The following ARMH4 variants were observed in gnomAD, a reference collection of about 807,000 sequenced individuals.
The protein encoded by ARMH4 is armadillo-like helical domain-containing protein 4.
In ARMH4, 49 loss-of-function variants were observed where a neutral mutation model predicts 61.9. The observed-to-expected ratio is 0.79, with a 90% CI of 0.63 to 1.00. ARMH4 has a LOEUF of 1.00. Among genes scored for constraint, ARMH4 ranks in the 50% least tolerant of loss-of-function variants. ARMH4 has a pLI of 0.00. For missense variants in ARMH4, 934 were observed against 930.0 expected, an observed-to-expected ratio of 1.00 and a Z score of -0.06; for synonymous variants, 368 against 341.5, an observed-to-expected ratio of 1.08 and a Z score of -0.85.
intron 1 of ARMH4, among the ~76,000 whole-genome samples, chr14:58,149,471 T>G (rs1188272507): frequency 6.6e-6 from 1 of 152,180 alleles, no homozygotes; most frequent in East Asian, 1.9e-4. Flanking sequence ...AGAGGGTAAG[T>G]AGGCTGGGGT....
Position 58,097,078 on chromosome 14 carries a change from T to C in ARMH4, c.1832-97A>G, listed in dbSNP as rs544840232. ...AATGATCCAAACACTACAAAATAAT[T>C]GTTTGGCCTTTTGAAACACATCTTT... is the stretch of plus-strand genomic sequence containing the variant. On this transcript the variant is annotated intron_variant, in intron 4 of 7. Coordinates refer to ENST00000267485, the MANE Select transcript of ARMH4 (RefSeq NM_001001872.4). 82 of 1,343,038 alleles carry C rather than the reference T, an allele frequency of 6.1e-5. 2 individuals carry two copies. The African/African-American group carries it at 8.1e-4, about 13-fold the overall frequency. 83.2% of individuals were successfully genotyped at this position (1,343,038 alleles called of 1,614,324 possible).
chr14:58,026,312 C>A (rs1396144741), intron 5 of ARMH4, among the ~76,000 whole-genome samples: 1 of 151,956 alleles, frequency 6.6e-6, no homozygotes, highest in Non-Finnish European at 1.5e-5. Context: ...AAGTATTTGC[C>A]TCCCCCTATG....
At chr14:58,022,626 C>T (rs1783803090) in intron 5 of ARMH4, among the ~76,000 whole-genome samples, 1 of 152,154 alleles carries the variant, frequency 6.6e-6, no homozygotes, top group South Asian at 2.1e-4. Flanking sequence ...CTCACTCCCT[C>T]TCCATACTTC....
intron 1 of ARMH4, among the ~76,000 whole-genome samples, chr14:58,151,193 T>A (rs1490934581): frequency 2.0e-5 from 3 of 152,212 alleles, no homozygotes; most frequent in African/African-American, 7.2e-5. Flanking sequence ...GGATGCCAAG[T>A]GCTAGGCGGA....
chr14:58,106,735 T>C (rs1886177375), intron 4 of ARMH4, among the ~76,000 whole-genome samples: 1 of 152,162 alleles, frequency 6.6e-6, no homozygotes, highest in African/African-American at 2.4e-5. Flanking sequence ...TTCTCCAAAC[T>C]TACATTGTTA....
intron 2 of ARMH4, among the ~76,000 whole-genome samples, chr14:58,135,012 A>T (rs1167001319): frequency 6.6e-6 from 1 of 151,546 alleles, no homozygotes; most frequent in Non-Finnish European, 1.5e-5. Flanking sequence ...CTATTACTTT[A>T]AAAAAAAGTT....
At chr14:58,040,458 T>G (rs1042446649) in intron 5 of ARMH4, among the ~76,000 whole-genome samples, 2 of 152,228 alleles carry the variant, frequency 1.3e-5, no homozygotes, top group African/African-American at 4.8e-5. Context: ...GATAATGGCC[T>G]GCAACTCCAT....
chr14:58,127,814 G>A (rs1425145579), intron 4 of ARMH4, among the ~76,000 whole-genome samples: 1 of 152,190 alleles, frequency 6.6e-6, no homozygotes, highest in Non-Finnish European at 1.5e-5. Context: ...CCCGCTAGCT[G>A]GAAGGCCCAG....
intron 5 of ARMH4, among the ~76,000 whole-genome samples, chr14:58,045,517 C>T (rs1233957032): frequency 3.3e-5 from 5 of 151,384 alleles, no homozygotes; most frequent in Non-Finnish European, 7.4e-5. Context: ...ATGTAAATGA[C>T]GAGTTAATGG....
Position 58,131,652 on chromosome 14 carries a change from G to C in ARMH4, c.1691C>G (p.Pro564Arg), listed in dbSNP as rs750285376. The change falls in exon 4 of 8, where the codon CCT becomes CGT. Residue 564 changes from proline to arginine, a missense_variant. Pro to Arg is a moderately radical substitution (Grantham distance 103). Transcript: ENST00000267485. ...GCTGGGTTCCCCCACCATTATTCCAGGAGGTGTCACTGGAGATCCCAGAAC... is the reference window on the plus strand; with the variant it reads ...GCTGGGTTCCCCCACCATTATTCCACGAGGTGTCACTGGAGATCCCAGAAC... ...TPVLGSPVTPPGIMVGEPSIS... is the reference protein window; with the variant it reads ...TPVLGSPVTPRGIMVGEPSIS... The C allele has an allele frequency of 1.2e-6, 2 of 1,614,142 alleles. No homozygotes were observed. Among genetic ancestry groups the C allele is most frequent in the South Asian group, 1.1e-5 (1 of 91,086 alleles).
chr14:58,012,141 C>T lies in ARMH4; in HGVS notation c.2099G>A (p.Trp700Ter), dbSNP rs1253749153. 1.4e-6 allele frequency: 2 copies of T among 1,452,316 alleles called. No individual in the cohort carries two copies. The highest frequency in any genetic ancestry group is 1.2e-5 in the South Asian group (1 of 80,498). The allele number at this position is 1,452,316 out of a possible 1,614,324, so 90.0% of individuals were successfully genotyped here. A position where few individuals can be genotyped will look rare whatever the true frequency, so the allele number is the denominator to read the frequency against. The change falls in exon 6 of 8, where the codon TGG becomes TAG. Residue 700 changes from tryptophan to a stop codon, truncating the protein, a stop_gained. Coordinates refer to ENST00000267485, the MANE Select transcript of ARMH4 (RefSeq NM_001001872.4). LOFTEE classifies it high-confidence loss of function. ...EQQNQGLVRS[W>*]MEKLKDKAGY... ...TACCTTGTCTTTTAATTTTTCCATCCAGCTTCTCACTAGGAAAAAAATAAG... is the reference window on the plus strand; with the variant it reads ...TACCTTGTCTTTTAATTTTTCCATCTAGCTTCTCACTAGGAAAAAAATAAG...
intron 5 of ARMH4, among the ~76,000 whole-genome samples, chr14:58,029,056 C>A (rs1298553353): frequency 1.4e-4 from 22 of 152,090 alleles, no homozygotes; most frequent in Admixed American, 1.4e-3. Flanking sequence ...CAAATACACA[C>A]ATACACACAA....
At chr14:58,043,405 C>A (rs564813048) in intron 5 of ARMH4, among the ~76,000 whole-genome samples, 1 of 152,098 alleles carries the variant, frequency 6.6e-6, no homozygotes, top group Non-Finnish European at 1.5e-5. Flanking sequence ...AATTCAACAA[C>A]GCTTCATGCT....
At chr14:58,096,685 G>T in intron 5 of ARMH4, 39 bp downstream of exon 5, 1 of 1,588,638 alleles carries the variant, frequency 6.3e-7, no homozygotes, top group Non-Finnish European at 8.6e-7. Flanking sequence ...ATAAAAGGAG[G>T]GGAGAAGGGA....
chr14:58,003,713 G>T lies in ARMH4; in HGVS notation c.*1023C>A, dbSNP rs990931913. 6.6e-6 allele frequency: 1 copy of T among 152,180 alleles called. No homozygotes were observed. The highest frequency in any genetic ancestry group is 1.5e-5 in the Non-Finnish European group (1 of 68,036). The allele number at this position is 152,180 out of a possible 1,614,324, so 9.4% of individuals were successfully genotyped here. ...TCCCATGAGCTCTGTTGTTCACCAGGACTCTGGCCACTGGGCAGACAAACG... is the reference window on the plus strand; with the variant it reads ...TCCCATGAGCTCTGTTGTTCACCAGTACTCTGGCCACTGGGCAGACAAACG... On this transcript the variant is annotated 3_prime_UTR_variant, in exon 8 of 8. Transcript: ENST00000267485.
intron 5 of ARMH4, among the ~76,000 whole-genome samples, chr14:58,013,593 C>G (rs1670197601): frequency 6.6e-6 from 1 of 152,126 alleles, no homozygotes; most frequent in South Asian, 2.1e-4. Context: ...CACACAGCTC[C>G]ACCCTTTACA....
At chr14:58,016,512 T>C (rs985325899) in intron 5 of ARMH4, among the ~76,000 whole-genome samples, 4 of 152,200 alleles carry the variant, frequency 2.6e-5, no homozygotes, top group African/African-American at 9.6e-5. Flanking sequence ...TTTTATTCTC[T>C]GTATTTTTCA....
At chr14:58,113,830 T>G (rs1383839102) in intron 4 of ARMH4, among the ~76,000 whole-genome samples, 1 of 151,944 alleles carries the variant, frequency 6.6e-6, no homozygotes, top group Non-Finnish European at 1.5e-5. Context: ...ATTTCTAAAT[T>G]ATATTTATAT....
intron 6 of ARMH4, 47 bp from the exon 7 acceptor site, chr14:58,005,229 C>T (rs773144566): frequency 1.2e-5 from 19 of 1,609,176 alleles, no homozygotes; most frequent in African/African-American, 1.1e-4. Context: ...CAGAGCGCGC[C>T]GCCCTGGGTT....
Sources: gnomAD v4.1 joint callset for allele counts (sites outside exome capture counted in the v4.1 genomes callset) on GRCh38, gnomAD v4.1.1 for gene constraint, MANE v1.5 for transcripts, NCBI Gene and HGNC (gene_info 2026-07-23, HGNC 2026-07-21) for gene names.